Variants in GNAL observed in about 807,000 individuals in gnomAD.
The protein encoded by GNAL is G protein subunit alpha L, also known as guanine nucleotide-binding protein G(olf) subunit alpha.
Under a neutral mutation model 55.1 loss-of-function variants are expected in GNAL, and 18 were observed. The observed-to-expected ratio is 0.33, with a 90% confidence interval of 0.23 to 0.48. The LOEUF (loss-of-function observed/expected upper bound fraction) is 0.48, where lower values mean the gene tolerates loss of function less well. GNAL is among the 20% of genes least tolerant of loss of function. The pLI is 0.99. For missense variants in GNAL, 412 were observed against 614.1 expected (o/e 0.67, Z 3.48); for synonymous variants, 253 against 237.0 (o/e 1.07, Z -0.62).
At chr18:11,711,322 A>G (rs1282012691) in intron 1 of GNAL, among the ~76,000 whole-genome samples, 1 of 151,974 alleles carries the variant, frequency 6.6e-6, no homozygotes, top group African/African-American at 2.4e-5. Flanking sequence ...TTCACCTTCT[A>G]GGATTCTCAA....
intron 1 of GNAL, among the ~76,000 whole-genome samples, chr18:11,716,281 A>T (rs894883687): frequency 6.6e-6 from 1 of 152,078 alleles, no homozygotes; most frequent in African/African-American, 2.4e-5. Flanking sequence ...GCATGTCCAG[A>T]GTTTGTTCCT....
intron 1 of GNAL, among the ~76,000 whole-genome samples, chr18:11,738,656 C>T (rs2032507965): frequency 6.6e-6 from 1 of 152,128 alleles, no homozygotes; most frequent in African/African-American, 2.4e-5. Context: ...ACCGTGTTGG[C>T]CAGGCTGGTC....
At chr18:11,837,498 T>C (rs1449114602) in intron 5 of GNAL, among the ~76,000 whole-genome samples, 1 of 152,184 alleles carries the variant, frequency 6.6e-6, no homozygotes, top group Non-Finnish European at 1.5e-5. Context: ...GATGAATGGC[T>C]AATCAGCCAC....
intron 10 of GNAL, 129 bp downstream of exon 10, chr18:11,872,527 T>C (rs1275194329): frequency 1.6e-6 from 1 of 632,062 alleles, no homozygotes; most frequent in Non-Finnish European, 2.7e-6. Flanking sequence ...TTCTTTCTAC[T>C]GCCCATATCC....
chr18:11,861,238 C>T (rs1485961621), intron 5 of GNAL, among the ~76,000 whole-genome samples: 4 of 152,160 alleles, frequency 2.6e-5, no homozygotes, highest in Non-Finnish European at 5.9e-5. Flanking sequence ...AGCCTGGGCC[C>T]CCCCGACCCC....
At chr18:11,858,231 G>A (rs1454121428) in intron 5 of GNAL, among the ~76,000 whole-genome samples, 1 of 151,914 alleles carries the variant, frequency 6.6e-6, no homozygotes, top group Non-Finnish European at 1.5e-5. Flanking sequence ...CTGCAAACAT[G>A]AGTGTCCTCA....
At chr18:11,762,814 G>A (rs1266049813) in intron 4 of GNAL, among the ~76,000 whole-genome samples, 1 of 152,216 alleles carries the variant, frequency 6.6e-6, no homozygotes, top group Non-Finnish European at 1.5e-5. Flanking sequence ...TGTATCTGCT[G>A]TGGGGATGGT....
chr18:11,806,914 G>A (rs1395004682), intron 4 of GNAL, among the ~76,000 whole-genome samples: 6 of 152,130 alleles, frequency 3.9e-5, no homozygotes, highest in South Asian at 2.1e-4. Flanking sequence ...TGATCCGCCC[G>A]CCTCGGCCTC....
At chr18:11,791,851 C>T (rs767708608) in intron 4 of GNAL, among the ~76,000 whole-genome samples, 1 of 152,136 alleles carries the variant, frequency 6.6e-6, no homozygotes, top group Non-Finnish European at 1.5e-5. Context: ...CGAGAACTCC[C>T]GAGGGTCTGC....
intron 4 of GNAL, among the ~76,000 whole-genome samples, chr18:11,808,257 C>T (rs59893403): frequency 0.065 from 9,895 of 152,112 alleles, 479 homozygotes; most frequent in African/African-American, 0.13. Flanking sequence ...CGCCTCTGCC[C>T]GTTTTACTGC....
intron 4 of GNAL, among the ~76,000 whole-genome samples, chr18:11,806,019 G>T (rs528484531): frequency 4.6e-5 from 7 of 152,130 alleles, no homozygotes; most frequent in African/African-American, 1.7e-4. Flanking sequence ...TTATTTTTTT[G>T]TCTTTTTAGT....
intron 4 of GNAL, among the ~76,000 whole-genome samples, chr18:11,819,924 A>G (rs964961391): frequency 6.6e-6 from 1 of 152,154 alleles, no homozygotes; most frequent in Non-Finnish European, 1.5e-5. Context: ...TTAATTTTAT[A>G]TGCACAGGGG....
At chr18:11,723,408 A>G (rs780501434) in intron 1 of GNAL, among the ~76,000 whole-genome samples, 27 of 152,256 alleles carry the variant, frequency 1.8e-4, no homozygotes, top group Admixed American at 1.3e-4. Context: ...AGGCAGCAAG[A>G]CAGATTTAGC....
In GNAL at chr18:11,743,886, C is replaced by G. The variant is rs182541563; in HGVS notation, c.377-8967C>G. Among the ~76,000 whole-genome samples, 72 of 152,226 alleles carry G rather than the reference C, an allele frequency of 4.7e-4. 1 individual carries two copies. Among genetic ancestry groups the G allele is most frequent in the Admixed American group, 4.2e-3 (64 of 15,296 alleles). ...TTTCTCTTAAAATACACCAGTGGTCCCCACACCTACCCTTGCCTCACAGCC... is the reference window on the plus strand; with the variant it reads ...TTTCTCTTAAAATACACCAGTGGTCGCCACACCTACCCTTGCCTCACAGCC... On this transcript the variant is annotated intron_variant, in intron 1 of 11. Transcript: ENST00000334049.
In GNAL at chr18:11,752,806, A is replaced by T; in HGVS notation, c.377-47A>T. On this transcript the variant is annotated intron_variant, in intron 1 of 11. Transcript: ENST00000334049. The surrounding 1 kb of genome is among the most constrained non-coding windows in gnomAD (Gnocchi z 4.5). The stretch of plus-strand genomic sequence containing the variant: ...GACCCGGCTAGTGGTGAGAGATGGC[A>T]GCGATATCCGGACACAGATCACAGC... 2 of 1,346,678 alleles carry T rather than the reference A, an allele frequency of 1.5e-6. No homozygotes were observed. The highest frequency in any genetic ancestry group is 2.9e-5 in the African/African-American group (2 of 69,972). 83.4% of individuals were successfully genotyped at this position (1,346,678 alleles called of 1,614,324 possible).
intron 7 of GNAL, among the ~76,000 whole-genome samples, chr18:11,865,752 C>G (rs1248272374): frequency 1.6e-5 from 2 of 126,220 alleles, no homozygotes; most frequent in African/African-American, 7.5e-5. Flanking sequence ...AAGACCCTGT[C>G]TCTAAAAAAA....
intron 1 of GNAL, among the ~76,000 whole-genome samples, chr18:11,718,929 C>A (rs1422541807): frequency 6.6e-6 from 1 of 152,002 alleles, no homozygotes; most frequent in Middle Eastern, 3.4e-3. Context: ...ATTTTTAAAG[C>A]CCTGACTTTA....
rs1160429431 is a variant in GNAL at position 11,751,200 on chromosome 18, C to T, written c.377-1653C>T. Among the ~76,000 whole-genome samples, 1 of 152,190 alleles carries T rather than the reference C, an allele frequency of 6.6e-6. No individual in the cohort carries two copies. The highest frequency in any genetic ancestry group is 6.5e-5 in the Admixed American group (1 of 15,286). On this transcript the variant is annotated intron_variant, in intron 1 of 11. Transcript: ENST00000334049. The surrounding 1 kb of genome is among the most constrained non-coding windows in gnomAD (Gnocchi z 4.5). ...CCACGCCCACGGCTGGTGTCCACGA[C>T]TTCGGCCCGGCCCCCTCTTCTGACC...
At chr18:11,696,810 A>G (rs1034810745) in intron 1 of GNAL, among the ~76,000 whole-genome samples, 3 of 152,284 alleles carry the variant, frequency 2.0e-5, no homozygotes, top group South Asian at 2.1e-4. Context: ...GAAAACAGGT[A>G]GTTTTGTCAC....
Sources: allele counts gnomAD v4.1 joint callset (sites outside exome capture counted in the v4.1 genomes callset), GRCh38; gene constraint gnomAD v4.1.1; non-coding constraint Gnocchi (gnomAD v3.1); transcripts MANE v1.5; gene names NCBI Gene and HGNC (gene_info 2026-07-23, HGNC 2026-07-21).